Variants in HCN1 observed in about 807,000 individuals in gnomAD.
HCN1 encodes the protein potassium/sodium hyperpolarization-activated cyclic nucleotide-gated channel 1.
HCN1 carries 13 observed loss-of-function variants against 78.9 expected under a neutral mutation model. The ratio of observed to expected loss-of-function variants is 0.16; its 90% CI spans 0.11 to 0.26. The LOEUF is 0.26. HCN1 is among the 10% of genes least tolerant of loss of function. The pLI is 1.00. For synonymous variants in HCN1, 552 were observed against 455.5 expected, an observed-to-expected ratio of 1.21 and a Z score of -2.70; for missense variants, 810 against 1,154.3, an observed-to-expected ratio of 0.70 and a Z score of 4.32.
intron 4 of HCN1, among the ~76,000 whole-genome samples, chr5:45,375,067 T>C (rs1019712599): frequency 8.0e-6 from 1 of 124,280 alleles, no homozygotes; most frequent in Non-Finnish European, 1.6e-5. Flanking sequence ...TATATATATA[T>C]AATATATTAT....
intron 5 of HCN1, among the ~76,000 whole-genome samples, chr5:45,330,114 G>C (rs975867596): frequency 9.9e-5 from 15 of 151,374 alleles, no homozygotes; most frequent in African/African-American, 3.1e-4. Context: ...ATTACTATGA[G>C]ACATTTTTCA....
chr5:45,649,411 A>G (rs1013509677), intron 1 of HCN1, among the ~76,000 whole-genome samples: 3 of 152,100 alleles, frequency 2.0e-5, no homozygotes, highest in African/African-American at 7.2e-5. Context: ...ATGAACCTAC[A>G]CTGACATCTC....
chr5:45,390,319 G>T (rs1486830458), intron 4 of HCN1, among the ~76,000 whole-genome samples: 1 of 152,128 alleles, frequency 6.6e-6, no homozygotes, highest in Non-Finnish European at 1.5e-5. Flanking sequence ...TTCACAGTTT[G>T]TTTCTATCTT....
chr5:45,516,269 C>CT (rs1277247269), intron 2 of HCN1, among the ~76,000 whole-genome samples: 4 of 151,908 alleles, frequency 2.6e-5, no homozygotes, highest in South Asian at 4.1e-4. Flanking sequence ...ACATTGAACA[C>CT]TTTTTTCTCC....
intron 1 of HCN1, among the ~76,000 whole-genome samples, chr5:45,654,061 G>A (rs1037194864): frequency 2.0e-5 from 3 of 152,024 alleles, no homozygotes; most frequent in East Asian, 3.9e-4. Context: ...TCTTGCTTTA[G>A]ACAACAAGAA....
At chr5:45,350,067 AC>A (rs1746855555) in intron 5 of HCN1, among the ~76,000 whole-genome samples, 1 of 152,114 alleles carries the variant, frequency 6.6e-6, no homozygotes, top group Non-Finnish European at 1.5e-5. Flanking sequence ...CAGACACACA[AC>A]CAAAAAAAAG....
Position 45,408,933 on chromosome 5 carries a change from C to T in HCN1, c.1012-12223G>A, listed in dbSNP as rs183972544. 7.0e-3 allele frequency among the ~76,000 whole-genome samples: 1,058 copies of T among 152,160 alleles called. 2 individuals are homozygous for T. Among genetic ancestry groups the T allele is most frequent in the Non-Finnish European group, 9.8e-3 (664 of 67,950 alleles). ...AAAGAAGCAGAAGAGTTAAGAATGT[C>T]TTTAATCATATGTGTAGTCTTTGGG... On this transcript the variant is annotated intron_variant, in intron 3 of 7. Transcript: ENST00000303230.
intron 1 of HCN1, among the ~76,000 whole-genome samples, chr5:45,692,627 C>G (rs761623529): frequency 4.6e-5 from 7 of 152,134 alleles, no homozygotes; most frequent in Non-Finnish European, 1.0e-4. Context: ...AAGGTAAATA[C>G]AGCAACTCTG....
chr5:45,366,528 C>T (rs1402743794), intron 4 of HCN1, among the ~76,000 whole-genome samples: 2 of 151,640 alleles, frequency 1.3e-5, no homozygotes, highest in African/African-American at 2.4e-5. Flanking sequence ...TGTTTCTTAG[C>T]ATTAGTAATA....
At position 45,341,281 on chromosome 5, in the gene HCN1, G is replaced by A. The variant is rs145933504; in HGVS notation, c.1377+11819C>T. 2.6e-3 allele frequency among the ~76,000 whole-genome samples: 396 copies of A among 152,250 alleles called. 1 individual carries two copies. The highest frequency in any genetic ancestry group is 9.0e-3 in the African/African-American group (375 of 41,554). On this transcript the variant is annotated intron_variant, in intron 5 of 7. Coordinates refer to ENST00000303230, the MANE Select transcript of HCN1 (RefSeq NM_021072.4). ...CAACCTGTTTTTGCCTTATTTGAAGGAGACCAATGATTAATAGCGGAAACA... is the reference window on the plus strand; with the variant it reads ...CAACCTGTTTTTGCCTTATTTGAAGAAGACCAATGATTAATAGCGGAAACA...
chr5:45,452,328 T>G (rs192439512), intron 3 of HCN1, among the ~76,000 whole-genome samples: 37 of 151,568 alleles, frequency 2.4e-4, no homozygotes, highest in African/African-American at 7.5e-4. Context: ...AGTTTTTTTT[T>G]TTTGTTTTTT....
chr5:45,590,244 C>A (rs1034935904), intron 2 of HCN1, among the ~76,000 whole-genome samples: 2 of 152,124 alleles, frequency 1.3e-5, no homozygotes, highest in Non-Finnish European at 2.9e-5. Flanking sequence ...AATTTCCTTT[C>A]ATATTAGGTA....
chr5:45,575,990 T>A (rs970137612), intron 2 of HCN1: 1 of 152,040 alleles, frequency 6.6e-6, no homozygotes, highest in Admixed American at 6.6e-5. Context: ...GGATTCACCA[T>A]CCTAGATGTC....
At chr5:45,593,286 G>C (rs1049340218) in intron 2 of HCN1, among the ~76,000 whole-genome samples, 1 of 104,452 alleles carries the variant, frequency 9.6e-6, no homozygotes, top group Non-Finnish European at 1.9e-5. Flanking sequence ...AAAGGTAGAG[G>C]TATATTCTCT....
At chr5:45,469,190 A>G (rs1741337941) in intron 2 of HCN1, among the ~76,000 whole-genome samples, 1 of 151,962 alleles carries the variant, frequency 6.6e-6, no homozygotes, top group South Asian at 2.1e-4. Flanking sequence ...ACATCTTTTC[A>G]ACTTTCATGA....
intron 5 of HCN1, among the ~76,000 whole-genome samples, chr5:45,339,753 AG>A (rs1746536326): frequency 6.6e-6 from 1 of 152,172 alleles, no homozygotes; most frequent in Non-Finnish European, 1.5e-5. Flanking sequence ...AAATATATAA[AG>A]AAAAAATATT....
intron 3 of HCN1, among the ~76,000 whole-genome samples, chr5:45,416,575 G>C (rs1176509390): frequency 2.0e-5 from 3 of 151,908 alleles, no homozygotes; most frequent in African/African-American, 4.8e-5. Flanking sequence ...GACTAGACTA[G>C]TGAAATAAGT....
At chr5:45,462,715 G>T (rs1273148896) in intron 2 of HCN1, among the ~76,000 whole-genome samples, 1 of 151,926 alleles carries the variant, frequency 6.6e-6, no homozygotes, top group Non-Finnish European at 1.5e-5. Flanking sequence ...AGTATGGTAG[G>T]TTAGATTATT....
intron 5 of HCN1, among the ~76,000 whole-genome samples, chr5:45,332,511 CCTT>C (rs1284297692): frequency 6.6e-6 from 1 of 150,920 alleles, no homozygotes; most frequent in Non-Finnish European, 1.5e-5. Context: ...TGGTAACCAT[CCTT>C]CTACTCTCTA....
Sources: allele counts gnomAD v4.1 joint callset (sites outside exome capture counted in the v4.1 genomes callset), GRCh38; gene constraint gnomAD v4.1.1; transcripts MANE v1.5; gene names NCBI Gene and HGNC (gene_info 2026-07-23, HGNC 2026-07-21).